The following ELAVL2 variants were observed in gnomAD, a reference collection of about 807,000 sequenced individuals.
The protein encoded by ELAVL2 is ELAV like RNA binding protein 2, also known as ELAV-like protein 2.
A neutral mutation model predicts 34.6 loss-of-function variants in ELAVL2; 4 were observed. That is an observed-to-expected ratio of 0.12 (90% CI 0.06 to 0.26). The LOEUF (loss-of-function observed/expected upper bound fraction) is 0.26, where lower values mean the gene tolerates loss of function less well. Ranked by LOEUF, ELAVL2 falls within the 10% of genes least tolerant of loss-of-function variation. The pLI, the probability that ELAVL2 is intolerant of heterozygous loss-of-function variation, is 1.00. For synonymous variants in ELAVL2, 193 were observed against 154.8 expected (o/e 1.25, Z -1.83); for missense variants, 432 against 442.8 (o/e 0.98, Z 0.22).
chr9:23,783,631 A>C, intron 1 of ELAVL2: 1 of 477,496 alleles, frequency 2.1e-6, no homozygotes, highest in Non-Finnish European at 2.7e-6. Flanking sequence ...TCATTCTAAC[A>C]TGCAAATCCT....
intron 1 of ELAVL2, among the ~76,000 whole-genome samples, chr9:23,800,473 G>T (rs1051896084): frequency 2.6e-5 from 4 of 152,162 alleles, no homozygotes; most frequent in African/African-American, 7.2e-5. Context: ...GACCTCACAA[G>T]CTGCAGAACA....
At chr9:23,799,848 T>A (rs190855434) in intron 1 of ELAVL2, among the ~76,000 whole-genome samples, 29 of 152,294 alleles carry the variant, frequency 1.9e-4, no homozygotes, top group African/African-American at 6.7e-4. Flanking sequence ...AAGAAAAATC[T>A]TAAGCCCTTT....
chr9:23,756,071 A>C (rs2053488028), intron 2 of ELAVL2, among the ~76,000 whole-genome samples: 2 of 152,156 alleles, frequency 1.3e-5, no homozygotes, highest in African/African-American at 2.4e-5. Context: ...TGAGGAGCTA[A>C]GATTGTATTT....
chr9:23,757,163 G>T (rs1277633805), intron 2 of ELAVL2, among the ~76,000 whole-genome samples: 3 of 152,098 alleles, frequency 2.0e-5, no homozygotes, highest in African/African-American at 7.2e-5. Context: ...AGATGTTCTT[G>T]TTCATTTGGT....
intron 2 of ELAVL2, among the ~76,000 whole-genome samples, chr9:23,732,967 A>G (rs561551328): frequency 6.6e-6 from 1 of 152,288 alleles, no homozygotes; most frequent in Non-Finnish European, 1.5e-5. Context: ...GTTAAATAAA[A>G]AAGATGCCAC....
Position 23,693,993 on chromosome 9 carries a change from T to C in ELAVL2, c.714-507A>G, listed in dbSNP as rs148924929. On this transcript the variant is annotated intron_variant, in intron 5 of 6. Transcript: ENST00000397312. ...TACATTTTCCTTTCATTTCCCAACT[T>C]TGAAGGGCTTTCATCTTTTAGAATC... 7.5e-3 allele frequency among the ~76,000 whole-genome samples: 1,148 copies of C among 152,258 alleles called. 12 individuals carry two copies. Among genetic ancestry groups the C allele is most frequent in the Non-Finnish European group, 0.013 (878 of 68,008 alleles).
At chr9:23,770,532 C>T (rs969856962) in intron 1 of ELAVL2, among the ~76,000 whole-genome samples, 1 of 152,064 alleles carries the variant, frequency 6.6e-6, no homozygotes, top group Non-Finnish European at 1.5e-5. Context: ...TTACAAGGTT[C>T]CTTATAAGTG....
chr9:23,693,412 A>G, intron 6 of ELAVL2, 36 bp downstream of exon 6: 1 of 1,612,844 alleles, frequency 6.2e-7, no homozygotes, highest in Non-Finnish European at 8.5e-7. Context: ...TCAACTGTGG[A>G]AAGGGATTAT....
the ELAVL2 span, among the ~76,000 whole-genome samples, chr9:23,841,964 A>C: frequency 6.6e-6 from 1 of 152,208 alleles, no homozygotes; most frequent in Non-Finnish European, 1.5e-5. Flanking sequence ...TTCAAAATCA[A>C]CTCATCAGAT....
At position 23,692,181 on chromosome 9, in the gene ELAVL2, A is replaced by G. The variant is rs1160251274; in HGVS notation, c.*376T>C. 1 of 170,002 alleles carries G rather than the reference A, an allele frequency of 5.9e-6. No individual in the cohort carries two copies. The highest frequency in any genetic ancestry group is 2.4e-5 in the African/African-American group (1 of 41,984). The allele number at this position is 170,002 out of a possible 1,614,324, so 10.5% of individuals were successfully genotyped here. A position where few individuals can be genotyped will look rare whatever the true frequency, so the allele number is the denominator to read the frequency against. ...AAAAAGGGGGGAAAAAAAAGACACA[A>G]CCAACTGAAGAATTACAACACAAAG... On this transcript the variant is annotated 3_prime_UTR_variant, in exon 7 of 7. Transcript: ENST00000397312.
chr9:23,740,069 A>C (rs2048805557), intron 2 of ELAVL2, among the ~76,000 whole-genome samples: 1 of 151,458 alleles, frequency 6.6e-6, no homozygotes, highest in African/African-American at 2.4e-5. Context: ...CTTCTTGAAC[A>C]CATTTTTCTT....
At chr9:23,773,205 T>G (rs1049573524) in intron 1 of ELAVL2, among the ~76,000 whole-genome samples, 4 of 152,158 alleles carry the variant, frequency 2.6e-5, no homozygotes, top group Admixed American at 2.6e-4. Flanking sequence ...AGAATGTATA[T>G]AAGAGTTAAT....
At chr9:23,803,028 T>G (rs2061758940) in intron 1 of ELAVL2, among the ~76,000 whole-genome samples, 1 of 152,188 alleles carries the variant, frequency 6.6e-6, no homozygotes. Context: ...TCAAGAACTT[T>G]GAGAATTACT....
At chr9:23,825,340 G>A (rs1396462292) in intron 1 of ELAVL2, among the ~76,000 whole-genome samples, 1 of 152,152 alleles carries the variant, frequency 6.6e-6, no homozygotes, top group African/African-American at 2.4e-5. Context: ...CATGCTATCT[G>A]GTTAATGCAA....
chr9:23,812,735 T>TA (rs1250230410), intron 1 of ELAVL2, among the ~76,000 whole-genome samples: 1 of 148,926 alleles, frequency 6.7e-6, no homozygotes, highest in African/African-American at 2.5e-5. Flanking sequence ...ACACTTATAC[T>TA]AACACTCCAA....
intron 1 of ELAVL2, among the ~76,000 whole-genome samples, chr9:23,764,453 T>C (rs559466915): frequency 6.6e-6 from 1 of 152,268 alleles, no homozygotes; most frequent in South Asian, 2.1e-4. Context: ...CTCTCTGCTA[T>C]AGGACCATCT....
intron 5 of ELAVL2, among the ~76,000 whole-genome samples, chr9:23,699,369 C>G (rs1273107200): frequency 5.9e-5 from 9 of 152,128 alleles, no homozygotes; most frequent in Non-Finnish European, 1.2e-4. Context: ...ATTCCAAGAA[C>G]TTTGTTTTAC....
chr9:23,822,886 A>G (rs1036759380), intron 1 of ELAVL2, among the ~76,000 whole-genome samples: 4 of 152,172 alleles, frequency 2.6e-5, no homozygotes, highest in Admixed American at 6.5e-5. Context: ...AGGTCCGCTA[A>G]GGGCGTCCAG....
At chr9:23,704,745 T>C (rs575190365) in intron 4 of ELAVL2, among the ~76,000 whole-genome samples, 173 bp downstream of exon 4, 2 of 152,284 alleles carry the variant, frequency 1.3e-5, no homozygotes, top group East Asian at 3.9e-4. Flanking sequence ...TACTCCACAA[T>C]CTATTTTTAT....
Sources: allele counts gnomAD v4.1 joint callset (sites outside exome capture counted in the v4.1 genomes callset), GRCh38; gene constraint gnomAD v4.1.1; transcripts MANE v1.5; gene names NCBI Gene and HGNC (gene_info 2026-07-23, HGNC 2026-07-21).